Variants in PCNX2 observed in about 807,000 individuals in gnomAD.
PCNX2 encodes the protein pecanex-like protein 2.
PCNX2 carries 168 observed loss-of-function variants against 223.8 expected under a neutral mutation model. The observed-to-expected ratio is 0.75, with a 90% CI of 0.66 to 0.85. The LOEUF (loss-of-function observed/expected upper bound fraction) is 0.85. Ranked by LOEUF, PCNX2 falls within the 40% of genes least tolerant of loss-of-function variation. The pLI, the probability that PCNX2 is intolerant of heterozygous loss-of-function variation, is 0.00. For synonymous variants in PCNX2, 1,006 were observed against 1,052.6 expected (o/e 0.96, Z 0.86); for missense variants, 2,507 against 2,675.5 (o/e 0.94, Z 1.39).
intron 23 of PCNX2, among the ~76,000 whole-genome samples, chr1:233,089,537 A>C (rs2102937494): frequency 6.6e-6 from 1 of 152,344 alleles, no homozygotes; most frequent in East Asian, 1.9e-4. Context: ...AATTTATGAC[A>C]GGTCCAAATA....
At chr1:233,039,288 G>A (rs1383675751) in intron 25 of PCNX2, among the ~76,000 whole-genome samples, 3 of 151,914 alleles carry the variant, frequency 2.0e-5, no homozygotes, top group Admixed American at 1.3e-4. Flanking sequence ...GGGAGTCTAC[G>A]GATAGGCCGT....
chr1:233,183,886 G>A (rs755363680), intron 15 of PCNX2, among the ~76,000 whole-genome samples: 8 of 152,216 alleles, frequency 5.3e-5, no homozygotes, highest in Admixed American at 1.3e-4. Context: ...TGGTCCTTCC[G>A]CTGCAGGGGC....
At chr1:233,112,930 T>C (rs1416128197) in intron 21 of PCNX2, 2 of 1,289,114 alleles carry the variant, frequency 1.6e-6, no homozygotes, top group Non-Finnish European at 2.0e-6. Flanking sequence ...ATGGTTTGAG[T>C]TAAGGGAAAT....
intron 8 of PCNX2, 120 bp from the exon 9 acceptor site, chr1:233,237,100 AC>A (rs1658469958): frequency 7.9e-7 from 1 of 1,270,344 alleles, no homozygotes; most frequent in East Asian, 2.4e-5. Flanking sequence ...AGACTTTACA[AC>A]CTTACATAAA....
chr1:233,053,904 C>T (rs1672095895), intron 25 of PCNX2, among the ~76,000 whole-genome samples: 1 of 152,112 alleles, frequency 6.6e-6, no homozygotes, highest in African/African-American at 2.4e-5. Context: ...GCAACAGATC[C>T]CAACACCTGT....
At chr1:233,179,278 G>T in intron 15 of PCNX2, 103 bp from the exon 16 acceptor site, 1 of 1,192,450 alleles carries the variant, frequency 8.4e-7, no homozygotes, top group Non-Finnish European at 1.2e-6. Flanking sequence ...CTGGATGGAT[G>T]AGTTATTCCC....
At chr1:233,148,282 G>A (rs994283393) in intron 19 of PCNX2, among the ~76,000 whole-genome samples, 1 of 152,142 alleles carries the variant, frequency 6.6e-6, no homozygotes, top group Non-Finnish European at 1.5e-5. Flanking sequence ...AAGCAGAGAT[G>A]GGAAAAGGTG....
At chr1:233,175,998 T>C (rs1314034248) in intron 17 of PCNX2, among the ~76,000 whole-genome samples, 1 of 152,208 alleles carries the variant, frequency 6.6e-6, no homozygotes, top group Admixed American at 6.5e-5. Context: ...TGAACTGTAC[T>C]GAGCACCCAC....
chr1:233,149,649 A>G (rs1426569856), intron 19 of PCNX2, among the ~76,000 whole-genome samples: 1 of 152,208 alleles, frequency 6.6e-6, no homozygotes, highest in African/African-American at 2.4e-5. Context: ...TCAAGTTCTT[A>G]GCACTAACAT....
intron 17 of PCNX2, among the ~76,000 whole-genome samples, chr1:233,175,707 T>C (rs1027145297): frequency 1.3e-5 from 2 of 152,172 alleles, no homozygotes; most frequent in African/African-American, 4.8e-5. Flanking sequence ...TTCTCTTTTT[T>C]TTTAAGCTGC....
intron 21 of PCNX2, among the ~76,000 whole-genome samples, chr1:233,096,745 G>T (rs1420264719): frequency 6.6e-6 from 1 of 152,008 alleles, no homozygotes; most frequent in Non-Finnish European, 1.5e-5. Flanking sequence ...GAAATGAGAA[G>T]AAAAAATATA....
intron 1 of PCNX2, among the ~76,000 whole-genome samples, chr1:233,271,854 G>C (rs551832363): frequency 7.2e-5 from 11 of 152,218 alleles, no homozygotes; most frequent in Admixed American, 5.2e-4. Flanking sequence ...TATACCAGTA[G>C]CATGCTGTTT....
At chr1:233,291,557 G>A (rs1002382614) in intron 1 of PCNX2, 18 of 573,426 alleles carry the variant, frequency 3.1e-5, no homozygotes, top group South Asian at 1.5e-4. Flanking sequence ...GCGGTGAGCC[G>A]AGATTGCGCC....
At chr1:233,091,692 T>C (rs1214086140) in intron 22 of PCNX2, among the ~76,000 whole-genome samples, 2 of 147,704 alleles carry the variant, frequency 1.4e-5, no homozygotes, top group Non-Finnish European at 3.0e-5. Flanking sequence ...AGAATTGCAC[T>C]GTTGCACTCC....
chr1:233,025,446 G>A (rs754580997), intron 25 of PCNX2, 47 bp from the exon 26 acceptor site: 2 of 1,599,318 alleles, frequency 1.3e-6, no homozygotes. Context: ...AGGCATGCTA[G>A]AATGTTTGCT....
chr1:233,050,412 A>T (rs1671961929), intron 25 of PCNX2, among the ~76,000 whole-genome samples: 1 of 152,130 alleles, frequency 6.6e-6, no homozygotes, highest in Non-Finnish European at 1.5e-5. Context: ...AGAGGCATCA[A>T]TTACCCAACT....
intron 28 of PCNX2, among the ~76,000 whole-genome samples, chr1:233,006,681 G>C (rs1413298618): frequency 6.6e-6 from 1 of 152,296 alleles, no homozygotes; most frequent in Admixed American, 6.5e-5. Context: ...CTCACAGGGG[G>C]ATCTCCAGCA....
At chr1:233,225,190 A>T (rs1242417748) in intron 10 of PCNX2, among the ~76,000 whole-genome samples, 2 of 151,548 alleles carry the variant, frequency 1.3e-5, no homozygotes, top group Non-Finnish European at 2.9e-5. Flanking sequence ...TGGATTTGAC[A>T]ACATCTACTT....
intron 21 of PCNX2, among the ~76,000 whole-genome samples, chr1:233,097,245 T>C (rs1009787056): frequency 6.6e-6 from 1 of 151,392 alleles, no homozygotes; most frequent in African/African-American, 2.4e-5. Flanking sequence ...AGCTGAAGAA[T>C]TTTAGATAGA....
Sources: allele counts gnomAD v4.1 joint callset (sites outside exome capture counted in the v4.1 genomes callset), GRCh38; gene constraint gnomAD v4.1.1; transcripts MANE v1.5; gene names NCBI Gene and HGNC (gene_info 2026-07-23, HGNC 2026-07-21).